The following TOM1L2 variants were observed in gnomAD, a reference collection of about 807,000 sequenced individuals.
TOM1L2 encodes the protein TOM1-like protein 2.
TOM1L2 carries 31 observed loss-of-function variants against 67.9 expected under a neutral mutation model. The observed-to-expected ratio is 0.46, with a 90% CI of 0.34 to 0.62. TOM1L2 has a LOEUF of 0.62. Ranked by LOEUF, TOM1L2 falls within the 20% of genes least tolerant of loss-of-function variation. The probability of loss-of-function intolerance (pLI) is 0.01; values close to 1 mark genes in which losing one functional copy is unlikely to be tolerated. For synonymous variants in TOM1L2, 256 were observed against 254.0 expected (o/e 1.01, Z -0.07); for missense variants, 606 against 663.5 (o/e 0.91, Z 0.95).
Position 17,869,425 on chromosome 17 carries a change from T to G in TOM1L2, c.826A>C (p.Ile276Leu), listed in dbSNP as rs2037035322. Reference sequence around the variant, plus strand: ...ACCTCCTCATTGGACACGCGGGAGATGAGCTCCACGATGCGCTGCTGCATG... The same window carrying G: ...ACCTCCTCATTGGACACGCGGGAGAGGAGCTCCACGATGCGCTGCTGCATG... ...RAMQQRIVEL[I>L]SRVSNEEVTE... The change falls in exon 8 of 15, where the codon ATC (isoleucine) becomes CTC (leucine). Residue 276 changes from isoleucine to leucine, a missense_variant. Ile to Leu is a conservative substitution (Grantham distance 5). Transcript: ENST00000379504. The G allele has an allele frequency of 3.1e-6, 5 of 1,613,558 alleles. No homozygotes were observed. The highest frequency in any genetic ancestry group is 4.2e-6 in the Non-Finnish European group (5 of 1,179,970).
intron 7 of TOM1L2, among the ~76,000 whole-genome samples, chr17:17,877,022 CCCTT>C (rs1207133037): frequency 3.3e-5 from 5 of 152,198 alleles, no homozygotes; most frequent in African/African-American, 9.7e-5. Flanking sequence ...ACTCTGGGCA[CCCTT>C]CCTTCCTTCT....
intron 6 of TOM1L2, among the ~76,000 whole-genome samples, chr17:17,881,909 T>C (rs746973884): frequency 3.3e-5 from 5 of 152,222 alleles, no homozygotes; most frequent in Non-Finnish European, 5.9e-5. Flanking sequence ...TCCACAGTCA[T>C]GACATTGTCG....
intron 8 of TOM1L2, among the ~76,000 whole-genome samples, chr17:17,868,101 A>T (rs76852760): frequency 0.039 from 5,982 of 152,300 alleles, 319 homozygotes; most frequent in East Asian, 0.28. Context: ...AAATAGGTTT[A>T]ATAGGTTAAA....
At chr17:17,942,505 A>G (rs1488906755) in intron 1 of TOM1L2, among the ~76,000 whole-genome samples, 1 of 152,210 alleles carries the variant, frequency 6.6e-6, no homozygotes, top group Non-Finnish European at 1.5e-5. Context: ...GACATTTATA[A>G]TACTAGTTAC....
At chr17:17,903,247 A>G (rs2038935882) in intron 2 of TOM1L2, among the ~76,000 whole-genome samples, 1 of 152,150 alleles carries the variant, frequency 6.6e-6, no homozygotes, top group Non-Finnish European at 1.5e-5. Context: ...AGTACCTTAG[A>G]GACTTCATTC....
intron 1 of TOM1L2, among the ~76,000 whole-genome samples, chr17:17,955,341 T>C (rs548514249): frequency 6.7e-6 from 1 of 149,122 alleles, no homozygotes. Context: ...TTTTTTTTTT[T>C]TTTTTTTTTG....
chr17:17,862,697 T>C (rs1369652281), intron 11 of TOM1L2, 34 bp downstream of exon 11: 5 of 1,558,236 alleles, frequency 3.2e-6, no homozygotes, highest in South Asian at 2.2e-5. Context: ...CCCCCCAATA[T>C]CTTTAGAGAG....
rs1226736982 is a variant in TOM1L2, at chr17:17,946,521, A to G, written c.52+25741T>C. On this transcript the variant is annotated intron_variant, in intron 1 of 14. Transcript: ENST00000379504. ...AAACATAATATTTTTACCCAATTCT[A>G]TTTTTTATTAGCACTTTGTTAGGTT... is the stretch of plus-strand genomic sequence containing the variant. Among the ~76,000 whole-genome samples the G allele has an allele frequency of 2.6e-5, 4 of 152,024 alleles. No homozygotes were observed. In the South Asian group the frequency reaches 6.2e-4, roughly 24 times the overall value.
chr17:17,895,974 C>T (rs1568197089), intron 3 of TOM1L2, among the ~76,000 whole-genome samples: 1 of 152,142 alleles, frequency 6.6e-6, no homozygotes, highest in Non-Finnish European at 1.5e-5. Flanking sequence ...CCTTAGGAGG[C>T]CCCGGGTTCC....
chr17:17,956,510 T>C (rs1350921897), intron 1 of TOM1L2, among the ~76,000 whole-genome samples: 1 of 152,230 alleles, frequency 6.6e-6, no homozygotes, highest in Non-Finnish European at 1.5e-5. Flanking sequence ...TCCTCAGCCC[T>C]TGGGCGGTCG....
intron 8 of TOM1L2, among the ~76,000 whole-genome samples, chr17:17,868,555 G>C (rs1036564416): frequency 6.6e-6 from 1 of 152,184 alleles, no homozygotes; most frequent in East Asian, 1.9e-4. Context: ...AAGGGGAAAA[G>C]GTTGGCCTGA....
At chr17:17,941,666 G>A (rs1319109969) in intron 1 of TOM1L2, among the ~76,000 whole-genome samples, 1 of 152,142 alleles carries the variant, frequency 6.6e-6, no homozygotes, top group Non-Finnish European at 1.5e-5. Flanking sequence ...GGTCAGGCCT[G>A]GGTTTGATTT....
At chr17:17,861,369 G>GC (rs1325910980) in intron 12 of TOM1L2, 107 bp downstream of exon 12, 3 of 1,071,574 alleles carry the variant, frequency 2.8e-6, no homozygotes, top group African/African-American at 3.1e-5. Flanking sequence ...GGGTGTCCCT[G>GC]CCCCCTGTGC....
At chr17:17,850,792 G>C in intron 13 of TOM1L2, 101 bp downstream of exon 13, 1 of 1,292,882 alleles carries the variant, frequency 7.7e-7, no homozygotes, top group Non-Finnish European at 1.1e-6. Flanking sequence ...CACTGACCCA[G>C]ACAGGGGTGG....
At chr17:17,895,093 G>A (rs958411486) in intron 3 of TOM1L2, among the ~76,000 whole-genome samples, 1 of 152,234 alleles carries the variant, frequency 6.6e-6, no homozygotes, top group South Asian at 2.1e-4. Context: ...CTGTACACAC[G>A]ACGAAGGGGA....
At chr17:17,908,509 G>C (rs950665965) in intron 1 of TOM1L2, among the ~76,000 whole-genome samples, 4 of 152,036 alleles carry the variant, frequency 2.6e-5, no homozygotes, top group Non-Finnish European at 5.9e-5. Context: ...AACCTGCAGA[G>C]GAAGAAAATA....
rs555373687 is a variant in TOM1L2, at chr17:17,956,302, T to C, written c.52+15960A>G. ...CCAAGTCCCCACCAGATTAACTAGA[T>C]ACAGAGTGCTGATTGGTGCATTTAC... On this transcript the variant is annotated intron_variant, in intron 1 of 14. Transcript: ENST00000379504. 5.9e-5 allele frequency among the ~76,000 whole-genome samples: 9 copies of C among 152,322 alleles called. No homozygotes were observed. In the South Asian group the frequency reaches 1.9e-3, roughly 32 times the overall value.
intron 1 of TOM1L2, among the ~76,000 whole-genome samples, chr17:17,969,336 A>G (rs747688594): frequency 3.9e-5 from 6 of 152,052 alleles, no homozygotes; most frequent in Non-Finnish European, 7.4e-5. Flanking sequence ...GATTACAGGC[A>G]TGAGCCACCA....
intron 7 of TOM1L2, among the ~76,000 whole-genome samples, chr17:17,875,920 G>A (rs2037400720): frequency 6.6e-6 from 1 of 152,224 alleles, no homozygotes; most frequent in Admixed American, 6.5e-5. Context: ...AGAGAAAATG[G>A]CCTTGGCCGT....
Sources: allele counts gnomAD v4.1 joint callset (sites outside exome capture counted in the v4.1 genomes callset), GRCh38; gene constraint gnomAD v4.1.1; transcripts MANE v1.5; gene names NCBI Gene and HGNC (gene_info 2026-07-23, HGNC 2026-07-21).